AUTS2: variants seen among roughly 807,000 people sequenced by gnomAD.
AUTS2 encodes activator of transcription and developmental regulator AUTS2, also known as autism susceptibility gene 2 protein.
AUTS2 carries 17 observed loss-of-function variants against 112.4 expected under a neutral mutation model. The ratio of observed to expected loss-of-function variants is 0.15; its 90% CI spans 0.10 to 0.23. AUTS2 has a LOEUF of 0.23. Among genes scored for constraint, AUTS2 ranks in the 10% least tolerant of loss-of-function variants. AUTS2 has a pLI of 1.00. For missense variants in AUTS2, 1,510 were observed against 1,701.6 expected (o/e 0.89, Z 1.98); for synonymous variants, 751 against 702.7 (o/e 1.07, Z -1.09).
chr7:69,973,961 CTTAT>C (rs1277372183), intron 2 of AUTS2, among the ~76,000 whole-genome samples: 1 of 151,914 alleles, frequency 6.6e-6, no homozygotes, highest in South Asian at 2.1e-4. Flanking sequence ...GTGTTCACTC[CTTAT>C]TTGTTTGCTG....
intron 18 of AUTS2, among the ~76,000 whole-genome samples, 186 bp downstream of exon 18, chr7:70,787,617 C>T (rs1371011654): frequency 6.6e-6 from 1 of 152,052 alleles, no homozygotes; most frequent in African/African-American, 2.4e-5. Flanking sequence ...ATATGGTGAC[C>T]GTAGGAGATA....
At chr7:70,388,240 C>T (rs1384530415) in intron 4 of AUTS2, among the ~76,000 whole-genome samples, 1 of 152,014 alleles carries the variant, frequency 6.6e-6, no homozygotes, top group Non-Finnish European at 1.5e-5. Flanking sequence ...TATGAGGTGG[C>T]GGGGGTGTGG....
At position 69,956,955 on chromosome 7, in the gene AUTS2, T is replaced by C. The variant is rs572973827; in HGVS notation, c.522+57457T>C. Reference sequence around the variant, plus strand: ...ACAACTCACTGCAGCCTCAACCTCCTGGGCACAGGTGATCCTCCTACCTCA... The same window carrying C: ...ACAACTCACTGCAGCCTCAACCTCCCGGGCACAGGTGATCCTCCTACCTCA... On this transcript the variant is annotated intron_variant, in intron 2 of 18. Coordinates refer to ENST00000342771, the MANE Select transcript of AUTS2 (RefSeq NM_015570.4). Among the ~76,000 whole-genome samples, 33 of 152,118 alleles carry C rather than the reference T, an allele frequency of 2.2e-4. 1 individual carries two copies. In the East Asian group the frequency reaches 6.2e-3, roughly 29 times the overall value.
At chr7:69,614,352 C>CTT in intron 1 of AUTS2, among the ~76,000 whole-genome samples, 1 of 81,758 alleles carries the variant, frequency 1.2e-5, no homozygotes, top group East Asian at 4.5e-4. Flanking sequence ...TTCTTTCTTT[C>CTT]TTTCTTTCTT....
chr7:70,472,826 C>G (rs1282361584), intron 5 of AUTS2, among the ~76,000 whole-genome samples: 1 of 152,186 alleles, frequency 6.6e-6, no homozygotes, highest in South Asian at 2.1e-4. Flanking sequence ...GGCCTCAGAT[C>G]CTTGTTTCAC....
At chr7:70,091,269 G>C (rs1443316804) in intron 2 of AUTS2, among the ~76,000 whole-genome samples, 1 of 152,066 alleles carries the variant, frequency 6.6e-6, no homozygotes, top group East Asian at 1.9e-4. Context: ...CTAGTATTGA[G>C]CAATTTTTTT....
chr7:70,071,968 C>T (rs1270255068), intron 2 of AUTS2, among the ~76,000 whole-genome samples: 1 of 120,270 alleles, frequency 8.3e-6, no homozygotes, highest in Non-Finnish European at 1.7e-5. Context: ...CTTGGCAGGT[C>T]TCTAATAGCA....
chr7:70,144,784 G>A (rs998107040), intron 4 of AUTS2, among the ~76,000 whole-genome samples: 4 of 152,058 alleles, frequency 2.6e-5, no homozygotes, highest in African/African-American at 9.7e-5. Flanking sequence ...AGTTGTTATA[G>A]TTGAAAGTCA....
At chr7:69,800,854 A>G (rs944410173) in intron 1 of AUTS2, among the ~76,000 whole-genome samples, 1 of 152,008 alleles carries the variant, frequency 6.6e-6, no homozygotes, top group Non-Finnish European at 1.5e-5. Context: ...AAGCCCTCCC[A>G]TTTATTTACA....
At chr7:70,614,775 G>A (rs1276878646) in intron 5 of AUTS2, among the ~76,000 whole-genome samples, 1 of 152,206 alleles carries the variant, frequency 6.6e-6, no homozygotes, top group African/African-American at 2.4e-5. Flanking sequence ...GGTAATCTGT[G>A]CTTACAGCCT....
intron 4 of AUTS2, among the ~76,000 whole-genome samples, chr7:70,335,581 C>T (rs1358907403): frequency 6.6e-6 from 1 of 152,208 alleles, no homozygotes; most frequent in Non-Finnish European, 1.5e-5. Context: ...GCACTTGGTA[C>T]AAATGTTAAT....
At chr7:70,243,792 A>G (rs895269320) in intron 4 of AUTS2, among the ~76,000 whole-genome samples, 1 of 152,134 alleles carries the variant, frequency 6.6e-6, no homozygotes, top group African/African-American at 2.4e-5. Context: ...TCTATTCATG[A>G]CTACTCTTAA....
chr7:70,238,767 C>T lies in AUTS2; in HGVS notation c.660+104196C>T, dbSNP rs1236297624. On this transcript the variant is annotated intron_variant, in intron 4 of 18. Coordinates refer to ENST00000342771, the MANE Select transcript of AUTS2 (RefSeq NM_015570.4). ...TTAGCTTTTCTCTTACAATCCCCCACCTTATTTATATTACTTCTGAGCTCC... is the reference window on the plus strand; with the variant it reads ...TTAGCTTTTCTCTTACAATCCCCCATCTTATTTATATTACTTCTGAGCTCC... Among the ~76,000 whole-genome samples the T allele has an allele frequency of 3.3e-5, 5 of 152,176 alleles. No homozygotes were observed. The East Asian group carries it at 9.7e-4, about 29-fold the overall frequency.
At chr7:70,078,828 G>A (rs1373271089) in intron 2 of AUTS2, among the ~76,000 whole-genome samples, 2 of 152,208 alleles carry the variant, frequency 1.3e-5, no homozygotes, top group East Asian at 1.9e-4. Context: ...CTTTGTTAGT[G>A]CCATATAACT....
At chr7:70,590,174 A>G (rs11766932) in intron 5 of AUTS2, among the ~76,000 whole-genome samples, 34,431 of 147,522 alleles carry the variant, frequency 0.23, 4,271 homozygotes, top group Middle Eastern at 0.35. Flanking sequence ...ATATATATAT[A>G]TGTATAAAAT....
intron 1 of AUTS2, among the ~76,000 whole-genome samples, chr7:69,678,943 G>C (rs952598956): frequency 6.6e-6 from 1 of 152,182 alleles, no homozygotes; most frequent in Non-Finnish European, 1.5e-5. Flanking sequence ...TACTTTTGTG[G>C]GGATGGGAAA....
intron 4 of AUTS2, among the ~76,000 whole-genome samples, chr7:70,257,603 C>T (rs928536735): frequency 6.6e-6 from 1 of 151,904 alleles, no homozygotes; most frequent in African/African-American, 2.4e-5. Context: ...CAGGTGTGAG[C>T]CACTGTGCCT....
chr7:70,576,671 A>G (rs1266624672), intron 5 of AUTS2, among the ~76,000 whole-genome samples: 2 of 152,316 alleles, frequency 1.3e-5, no homozygotes, highest in African/African-American at 4.8e-5. Context: ...TAGAGGAACA[A>G]TGTTTTAGAA....
chr7:70,430,934 C>T (rs2130814467), intron 4 of AUTS2, among the ~76,000 whole-genome samples: 1 of 145,884 alleles, frequency 6.9e-6, no homozygotes, highest in Non-Finnish European at 1.5e-5. Context: ...CTCCCGGGTT[C>T]GCGCCATTCT....
Sources: allele counts gnomAD v4.1 joint callset (sites outside exome capture counted in the v4.1 genomes callset), GRCh38; gene constraint gnomAD v4.1.1; transcripts MANE v1.5; gene names NCBI Gene and HGNC (gene_info 2026-07-23, HGNC 2026-07-21).